DLG2: variants seen among roughly 807,000 people sequenced by gnomAD.
The protein encoded by DLG2 is discs large MAGUK scaffold protein 2.
Under a neutral mutation model 132.5 loss-of-function variants are expected in DLG2, and 45 were observed. The ratio of observed to expected loss-of-function variants is 0.34; its 90% CI spans 0.27 to 0.44. The LOEUF is 0.44. DLG2 is among the 20% of genes least tolerant of loss of function. The pLI is 1.00. For missense variants in DLG2, 1,045 were observed against 1,196.9 expected, an observed-to-expected ratio of 0.87 and a Z score of 1.87; for synonymous variants, 424 against 419.6, an observed-to-expected ratio of 1.01 and a Z score of -0.13.
At chr11:85,154,364 C>A (rs2077460783) in intron 5 of DLG2, among the ~76,000 whole-genome samples, 192 bp downstream of exon 5, 1 of 152,176 alleles carries the variant, frequency 6.6e-6, no homozygotes, top group East Asian at 1.9e-4. Context: ...AAAACACACA[C>A]AACTACTCAA....
At chr11:85,347,967 CTTTTTTTTTTTTTTTTTTT>C (rs35083224) in intron 3 of DLG2, among the ~76,000 whole-genome samples, 5 of 40,364 alleles carry the variant, frequency 1.2e-4, no homozygotes, top group African/African-American at 5.1e-4. Flanking sequence ...CCACACTTAA[CTTTTTTTTTTTTTTTTTTT>C]TTTTTTTTTT....
Position 84,442,521 on chromosome 11 carries a change from C to T in DLG2, c.519+92049G>A, listed in dbSNP as rs111484037. 6.8e-3 allele frequency among the ~76,000 whole-genome samples: 1,027 copies of T among 151,948 alleles called. 12 individuals are homozygous for T. Among genetic ancestry groups the T allele is most frequent in the South Asian group, 0.06 (288 of 4,804 alleles). On this transcript the variant is annotated intron_variant, in intron 7 of 27. Transcript: ENST00000376104. ...GGGAGGGGAACATCACACACTGAGG[C>T]CTGTCAGTGGGTGCGGGAGGCTAGG...
intron 8 of DLG2, among the ~76,000 whole-genome samples, chr11:84,179,835 G>A (rs769228367): frequency 1.7e-4 from 26 of 152,130 alleles, no homozygotes; most frequent in African/African-American, 5.3e-4. Context: ...GGGGATAAGG[G>A]GGACAACAGA....
chr11:84,612,628 T>A (rs560127994), intron 6 of DLG2, among the ~76,000 whole-genome samples: 2 of 152,290 alleles, frequency 1.3e-5, no homozygotes, highest in South Asian at 4.1e-4. Context: ...GTGGTAAGAC[T>A]AAAGGTAATG....
At chr11:84,217,386 AAGGGG>A (rs2096850621) in intron 8 of DLG2, among the ~76,000 whole-genome samples, 1 of 152,144 alleles carries the variant, frequency 6.6e-6, no homozygotes, top group Non-Finnish European at 1.5e-5. Context: ...TGGCTTTATA[AAGGGG>A]AGTTTCCCTA....
At chr11:84,008,481 A>C (rs1436464659) in intron 11 of DLG2, among the ~76,000 whole-genome samples, 2 of 151,912 alleles carry the variant, frequency 1.3e-5, no homozygotes, top group Non-Finnish European at 2.9e-5. Context: ...CTCTATTCAG[A>C]CAGCTGTTGA....
At chr11:84,140,083 T>C (rs928109700) in intron 9 of DLG2, among the ~76,000 whole-genome samples, 3 of 152,118 alleles carry the variant, frequency 2.0e-5, no homozygotes, top group African/African-American at 7.2e-5. Flanking sequence ...GTAGGATGAT[T>C]AACTGAAATT....
chr11:85,489,827 C>A (rs1381886817), intron 3 of DLG2, among the ~76,000 whole-genome samples: 2 of 151,928 alleles, frequency 1.3e-5, no homozygotes, highest in Non-Finnish European at 1.5e-5. Context: ...ACTGTGTCAA[C>A]AAATAAATTA....
chr11:83,844,502 C>T (rs576919537), intron 16 of DLG2, among the ~76,000 whole-genome samples: 39 of 122,244 alleles, frequency 3.2e-4, no homozygotes, highest in Non-Finnish European at 5.5e-4. Context: ...AAGCCAAGAT[C>T]GCATCACTGC....
intron 6 of DLG2, among the ~76,000 whole-genome samples, chr11:85,084,289 G>A (rs117853607): frequency 0.02 from 2,984 of 152,262 alleles, 52 homozygotes; most frequent in Admixed American, 0.041. Flanking sequence ...CGAGGTATGG[G>A]AAGTGAGCTC....
chr11:85,452,804 C>A, intron 3 of DLG2: 1 of 157,428 alleles, frequency 6.4e-6, no homozygotes, highest in South Asian at 1.9e-4. Context: ...CCAAGATTTC[C>A]TGGAAAGCAG....
chr11:85,302,103 A>G (rs1369432609), intron 3 of DLG2, among the ~76,000 whole-genome samples: 2 of 152,168 alleles, frequency 1.3e-5, no homozygotes, highest in Non-Finnish European at 2.9e-5. Flanking sequence ...AATTCACAGG[A>G]AGGTAGACTC....
At chr11:84,694,976 C>T (rs1277127949) in intron 6 of DLG2, among the ~76,000 whole-genome samples, 1 of 151,500 alleles carries the variant, frequency 6.6e-6, no homozygotes, top group Admixed American at 6.6e-5. Flanking sequence ...AATTGTTCGC[C>T]TCATTGCTCC....
At position 85,546,531 on chromosome 11, in the gene DLG2, A is replaced by T. The variant is rs185765795; in HGVS notation, c.40+52126T>A. 2.6e-5 allele frequency among the ~76,000 whole-genome samples: 4 copies of T among 152,302 alleles called. No individual in the cohort carries two copies. In the East Asian group the frequency reaches 7.7e-4, roughly 29 times the overall value. On this transcript the variant is annotated intron_variant, in intron 3 of 27. Transcript: ENST00000376104. ...GTCTGCTTGGTCCTGAGCTGAGTTCACGTCCTGGATATCCTTGTAATTTTC... is the reference window on the plus strand; with the variant it reads ...GTCTGCTTGGTCCTGAGCTGAGTTCTCGTCCTGGATATCCTTGTAATTTTC...
At chr11:85,222,074 G>GA (rs1394517432) in intron 4 of DLG2, among the ~76,000 whole-genome samples, 1 of 151,956 alleles carries the variant, frequency 6.6e-6, no homozygotes, top group African/African-American at 2.4e-5. Flanking sequence ...AAGTAGATGG[G>GA]ACTACAGGTG....
chr11:84,974,775 G>A (rs1314901296), intron 6 of DLG2, among the ~76,000 whole-genome samples: 4 of 152,210 alleles, frequency 2.6e-5, no homozygotes, highest in East Asian at 1.9e-4. Flanking sequence ...TATGGGGTTA[G>A]GACCCAGGAA....
intron 6 of DLG2, among the ~76,000 whole-genome samples, chr11:84,602,121 T>C (rs537833242): frequency 6.6e-6 from 1 of 152,094 alleles, no homozygotes; most frequent in Admixed American, 6.5e-5. Context: ...TGCTGGACAC[T>C]GGGAATACAG....
At position 84,600,155 on chromosome 11, in the gene DLG2, AGAAG is replaced by A. The variant is rs1211290417; in HGVS notation, c.358-65428_358-65425del. On this transcript the variant is annotated intron_variant, in intron 6 of 27. Coordinates refer to ENST00000376104, the MANE Select transcript of DLG2 (RefSeq NM_001142699.3). The stretch of plus-strand genomic sequence containing the variant: ...AAGAAAGAAAGAAGGAAAGAAAGAA[AGAAG>A]GAAAGAAAGAAAGAAAGAAAGAAAG... Among the ~76,000 whole-genome samples, 5 of 87,376 alleles carry A rather than the reference AGAAG, an allele frequency of 5.7e-5. No individual in the cohort carries two copies. The East Asian group carries it at 9.3e-4, about 16-fold the overall frequency. The allele number at this position is 87,376 out of a possible 152,430, so 57.3% of individuals were successfully genotyped here.
At chr11:85,212,177 A>G (rs2082295682) in intron 4 of DLG2, among the ~76,000 whole-genome samples, 1 of 152,046 alleles carries the variant, frequency 6.6e-6, no homozygotes, top group Admixed American at 6.6e-5. Flanking sequence ...CCTCGACCCC[A>G]CTAGTCACAG....
Sources: allele counts gnomAD v4.1 joint callset (sites outside exome capture counted in the v4.1 genomes callset), GRCh38; gene constraint gnomAD v4.1.1; transcripts MANE v1.5; gene names NCBI Gene and HGNC (gene_info 2026-07-23, HGNC 2026-07-21).